NRXN3: variants seen among roughly 807,000 people sequenced by gnomAD.
The protein encoded by NRXN3 is neurexin III.
Under a neutral mutation model 137.6 loss-of-function variants are expected in NRXN3, and 32 were observed. The observed-to-expected ratio is 0.23, with a 90% confidence interval of 0.18 to 0.31. The LOEUF (loss-of-function observed/expected upper bound fraction) is 0.31. Ranked by LOEUF, NRXN3 falls within the 10% of genes least tolerant of loss-of-function variation. The pLI, the probability that NRXN3 is intolerant of heterozygous loss-of-function variation, is 1.00. For synonymous variants in NRXN3, 798 were observed against 784.5 expected, an observed-to-expected ratio of 1.02 and a Z score of -0.29; for missense variants, 1,574 against 2,062.5, an observed-to-expected ratio of 0.76 and a Z score of 4.59.
intron 4 of NRXN3, among the ~76,000 whole-genome samples, chr14:78,356,908 G>A (rs1461013977): frequency 6.6e-6 from 1 of 152,172 alleles, no homozygotes; most frequent in African/African-American, 2.4e-5. Context: ...TAAATGCAGT[G>A]ACTTAACGTC....
chr14:79,731,706 G>A (rs2098923616), intron 19 of NRXN3, among the ~76,000 whole-genome samples: 1 of 146,052 alleles, frequency 6.8e-6, no homozygotes, highest in Admixed American at 6.9e-5. Flanking sequence ...GCCTGGTCTT[G>A]AACACCTGAC....
intron 6 of NRXN3, among the ~76,000 whole-genome samples, chr14:78,685,635 T>G (rs2098118509): frequency 6.8e-6 from 1 of 147,686 alleles, no homozygotes; most frequent in Admixed American, 6.8e-5. Flanking sequence ...GTCACTTTTT[T>G]TTTTTTTTTT....
chr14:78,642,418 T>C (rs2097644920), intron 4 of NRXN3, among the ~76,000 whole-genome samples: 1 of 152,236 alleles, frequency 6.6e-6, no homozygotes, highest in Non-Finnish European at 1.5e-5. Flanking sequence ...AAATAATATC[T>C]GGTGCCTTGC....
Position 78,347,716 on chromosome 14 carries a change from C to T in NRXN3, c.757+49856C>T, listed in dbSNP as rs17107411. ...CCCCTTGAGGCCTTAGTCTCTGTGA[C>T]GTTGGGAACAGCATTTAGCTTGGAA... On this transcript the variant is annotated intron_variant, in intron 4 of 20. Coordinates refer to ENST00000335750, the MANE Select transcript of NRXN3 (RefSeq NM_001330195.2). Among the ~76,000 whole-genome samples, 1,285 of 152,210 alleles carry T rather than the reference C, an allele frequency of 8.4e-3. 41 individuals carry two copies. The East Asian group carries it at 0.087, about 10-fold the overall frequency.
At chr14:78,649,580 T>A (rs572078642) in intron 5 of NRXN3, among the ~76,000 whole-genome samples, 14 of 144,364 alleles carry the variant, frequency 9.7e-5, no homozygotes, top group South Asian at 4.6e-4. Context: ...TTTTTTTTTT[T>A]AAATCTCTAT....
At chr14:79,768,758 A>G (rs2099065717) in intron 19 of NRXN3, among the ~76,000 whole-genome samples, 1 of 152,258 alleles carries the variant, frequency 6.6e-6, no homozygotes, top group African/African-American at 2.4e-5. Flanking sequence ...CAGCAACGGA[A>G]CAAAGCTGGA....
chr14:79,372,135 T>G lies in NRXN3; in HGVS notation c.3263-95086T>G, dbSNP rs200227035. Among the ~76,000 whole-genome samples, 11 of 151,606 alleles carry G rather than the reference T, an allele frequency of 7.3e-5. No individual in the cohort carries two copies. The South Asian group carries it at 8.3e-4, about 11-fold the overall frequency. On this transcript the variant is annotated intron_variant, in intron 15 of 20. Coordinates refer to ENST00000335750, the MANE Select transcript of NRXN3 (RefSeq NM_001330195.2). ...TACATACACATACTTAAGACACACA[T>G]AGAGAGTGTGTGAGAGAGAATCAAC...
rs116296216 is a variant in NRXN3 at position 79,497,237 on chromosome 14, A to G, written c.3444+29835A>G. On this transcript the variant is annotated intron_variant, in intron 16 of 20. Coordinates refer to ENST00000335750, the MANE Select transcript of NRXN3 (RefSeq NM_001330195.2). ...GTGATGAAGCCAGAACGTAAACAGAATGATTTATCCTCACTCCTTTGTTCG... is the reference window on the plus strand; with the variant it reads ...GTGATGAAGCCAGAACGTAAACAGAGTGATTTATCCTCACTCCTTTGTTCG... 2.5e-3 allele frequency among the ~76,000 whole-genome samples: 378 copies of G among 152,286 alleles called. 2 individuals are homozygous for G. Among genetic ancestry groups the G allele is most frequent in the African/African-American group, 8.9e-3 (371 of 41,556 alleles).
intron 15 of NRXN3, among the ~76,000 whole-genome samples, chr14:79,236,734 A>C (rs2073425872): frequency 6.6e-6 from 1 of 151,772 alleles, no homozygotes; most frequent in Admixed American, 6.6e-5. Context: ...CAACATAGTG[A>C]GATGCTGTCT....
chr14:78,792,683 G>A (rs1460722015), intron 8 of NRXN3, among the ~76,000 whole-genome samples: 3 of 152,118 alleles, frequency 2.0e-5, no homozygotes, highest in African/African-American at 7.2e-5. Flanking sequence ...ATATCCTTAA[G>A]GCATATAAGC....
At chr14:79,126,533 C>T (rs1045014566) in intron 15 of NRXN3, among the ~76,000 whole-genome samples, 6 of 152,162 alleles carry the variant, frequency 3.9e-5, no homozygotes, top group Non-Finnish European at 8.8e-5. Context: ...CATAGTGTTC[C>T]ATGGTCTATG....
chr14:78,638,629 C>CA (rs144382312), intron 4 of NRXN3, among the ~76,000 whole-genome samples: 4,354 of 152,248 alleles, frequency 0.029, 213 homozygotes, highest in African/African-American at 0.099. Context: ...GATCATCTCA[C>CA]AGCTCAGCAG....
chr14:79,290,593 A>G (rs904932844), intron 15 of NRXN3, among the ~76,000 whole-genome samples: 1 of 151,732 alleles, frequency 6.6e-6, no homozygotes, highest in Non-Finnish European at 1.5e-5. Context: ...CATAGCAGAC[A>G]TATTCATGGA....
At chr14:78,876,029 A>G (rs1015307925) in intron 10 of NRXN3, among the ~76,000 whole-genome samples, 4 of 152,170 alleles carry the variant, frequency 2.6e-5, no homozygotes, top group African/African-American at 9.7e-5. Context: ...TCTTATGTCT[A>G]TCAGCCCAGC....
intron 4 of NRXN3, among the ~76,000 whole-genome samples, chr14:78,341,148 C>A (rs527387318): frequency 6.6e-6 from 1 of 151,928 alleles, no homozygotes; most frequent in Non-Finnish European, 1.5e-5. Flanking sequence ...AGTGGCTTTC[C>A]GAGGGTGAGA....
chr14:79,840,193 T>G (rs1412613066), intron 20 of NRXN3, among the ~76,000 whole-genome samples: 1 of 152,158 alleles, frequency 6.6e-6, no homozygotes, highest in Admixed American at 6.6e-5. Flanking sequence ...TCTATAACTC[T>G]GAGGTAAAAA....
chr14:79,392,244 A>T (rs867858619), intron 15 of NRXN3, among the ~76,000 whole-genome samples: 2 of 151,984 alleles, frequency 1.3e-5, no homozygotes, highest in African/African-American at 4.8e-5. Flanking sequence ...AACATGTGGT[A>T]TTTGGTTTTC....
chr14:79,343,848 A>G (rs1399302878), intron 15 of NRXN3, among the ~76,000 whole-genome samples: 15 of 152,062 alleles, frequency 9.9e-5, no homozygotes. Context: ...TCTCTTACCC[A>G]GGCTGATCTC....
chr14:79,136,626 G>A (rs939290805), intron 15 of NRXN3, among the ~76,000 whole-genome samples: 3 of 152,112 alleles, frequency 2.0e-5, no homozygotes, highest in Non-Finnish European at 4.4e-5. Context: ...GCTAAGTCCC[G>A]GCCTGCTCCT....
Sources: gnomAD v4.1 joint callset for allele counts (sites outside exome capture counted in the v4.1 genomes callset) on GRCh38, gnomAD v4.1.1 for gene constraint, MANE v1.5 for transcripts, NCBI Gene and HGNC (gene_info 2026-07-23, HGNC 2026-07-21) for gene names.